The following CLU variants were observed in gnomAD, a reference collection of about 807,000 sequenced individuals.
CLU encodes aging-associated protein 4.
Under a neutral mutation model 46.4 loss-of-function variants are expected in CLU, and 25 were observed. The ratio of observed to expected loss-of-function variants is 0.54; its 90% CI spans 0.39 to 0.75. CLU has a LOEUF of 0.75. CLU is among the 30% of genes least tolerant of loss of function. The pLI, the probability that CLU is intolerant of heterozygous loss-of-function variation, is 0.00. For synonymous variants in CLU, 235 were observed against 235.1 expected (o/e 1.00, Z 0.00); for missense variants, 504 against 592.1 (o/e 0.85, Z 1.54).
At position 27,612,468 on chromosome 8, in the gene CLU, GTGT is replaced by G. The variant is rs1292898157; in HGVS notation, c.-29-1871_-29-1869del. The stretch of plus-strand genomic sequence containing the variant: ...TGAGGTCTGAGGCTGGGCATTGGCA[GTGT>G]CTAATCAACATGTCTGGAGAGGGGC... On this transcript the variant is annotated intron_variant, in intron 1 of 8. Transcript: ENST00000316403. Among the ~76,000 whole-genome samples, 113 of 152,320 alleles carry G rather than the reference GTGT, an allele frequency of 7.4e-4. 1 individual carries two copies. Among genetic ancestry groups the G allele is most frequent in the African/African-American group, 2.6e-3 (110 of 41,568 alleles).
intron 6 of CLU, 44 bp downstream of exon 6, chr8:27,604,247 C>T (rs905975676): frequency 6.7e-7 from 1 of 1,500,462 alleles, no homozygotes; most frequent in Non-Finnish European, 9.2e-7. Context: ...CCCCAGGACA[C>T]AAGGGATCAG....
intron 7 of CLU, 108 bp from the exon 8 acceptor site, chr8:27,598,743 G>T: frequency 9.4e-7 from 1 of 1,059,006 alleles, no homozygotes; most frequent in Non-Finnish European, 1.4e-6. Flanking sequence ...GCTTCTCCAA[G>T]GAAACCTAGA....
chr8:27,609,334 A>G, intron 2 of CLU, among the ~76,000 whole-genome samples: 1 of 152,022 alleles, frequency 6.6e-6, no homozygotes, highest in African/African-American at 2.4e-5. Flanking sequence ...ACCCAGAGTT[A>G]TGCCCAGCCA....
chr8:27,614,663 G>C lies in CLU; in HGVS notation c.-38C>G, dbSNP rs1055426723. On this transcript the variant is annotated 5_prime_UTR_variant, in exon 1 of 9. Transcript: ENST00000316403. ...AGACGGGGACATCTCACCGGTCAGC[G>C]GCACCCTGTGCCCGCGCGCTCCTCC... 1 of 530,522 alleles carries C rather than the reference G, an allele frequency of 1.9e-6. No individual in the cohort carries two copies. Among genetic ancestry groups the C allele is most frequent in the East Asian group, 5.5e-5 (1 of 18,154 alleles). The allele number at this position is 530,522 out of a possible 1,614,324, so 32.9% of individuals were successfully genotyped here. A position where few individuals can be genotyped will look rare whatever the true frequency, so the allele number is the denominator to read the frequency against.
chr8:27,611,336 AG>A, intron 1 of CLU: 1 of 456,076 alleles, frequency 2.2e-6, no homozygotes, highest in Non-Finnish European at 4.4e-6. Context: ...GGCTTCCCAG[AG>A]AAAGTCCCTT....
intron 6 of CLU, 52 bp downstream of exon 6, chr8:27,604,239 C>T: frequency 6.9e-7 from 1 of 1,445,358 alleles, no homozygotes; most frequent in Non-Finnish European, 9.7e-7. Context: ...CCCAGTGACC[C>T]CAGGACACAA....
Position 27,599,732 on chromosome 8 carries a change from C to T in CLU, c.1164+48G>A. On this transcript the variant is annotated intron_variant, in intron 7 of 8. Transcript: ENST00000316403. This position sits in a 1 kb window ranked among gnomAD's most constrained non-coding sequence, Gnocchi z 4.0. ...AAGCACACATGCCCCTGCTCCCGATCACAGCTCGGGCTCCCGAGCCACAGC... is the reference window on the plus strand; with the variant it reads ...AAGCACACATGCCCCTGCTCCCGATTACAGCTCGGGCTCCCGAGCCACAGC... The T allele has an allele frequency of 5.6e-6, 8 of 1,422,618 alleles. No individual in the cohort carries two copies. Among genetic ancestry groups the T allele is most frequent in the Non-Finnish European group, 7.8e-6 (8 of 1,022,916 alleles). The allele number at this position is 1,422,618 out of a possible 1,614,324, so 88.1% of individuals were successfully genotyped here.
intron 4 of CLU, 148 bp from the exon 5 acceptor site, chr8:27,605,483 C>G (rs925717661): frequency 1.8e-5 from 14 of 770,140 alleles, no homozygotes; most frequent in African/African-American, 3.4e-5. Flanking sequence ...GGGACCAGCC[C>G]CCAGCACCCC....
Position 27,599,763 on chromosome 8 carries a change from G to A in CLU, c.1164+17C>T, listed in dbSNP as rs375359665. On this transcript the variant is annotated intron_variant, in intron 7 of 8. Coordinates refer to ENST00000316403, the MANE Select transcript of CLU (RefSeq NM_001831.4). This position sits in a 1 kb window ranked among gnomAD's most constrained non-coding sequence, Gnocchi z 4.0. Reference sequence around the variant, plus strand: ...TCGGGCTCCCGAGCCACAGCATGTGGCCGGGACACAGCTCACCGTGGTGAC... The same window carrying A: ...TCGGGCTCCCGAGCCACAGCATGTGACCGGGACACAGCTCACCGTGGTGAC... 9 of 1,584,050 alleles carry A rather than the reference G, an allele frequency of 5.7e-6. No homozygotes were observed. The highest frequency in any genetic ancestry group is 5.2e-5 in the Admixed American group (3 of 57,216).
At position 27,598,546 on chromosome 8, in the gene CLU, C is replaced by T. The variant is rs962312477; in HGVS notation, c.1254G>A (p.Thr418=). Residue 418 remains threonine (T), a synonymous_variant, in exon 8 of 9, where the codon ACG becomes ACA. Coordinates refer to ENST00000316403, the MANE Select transcript of CLU (RefSeq NM_001831.4). ...TCTTCCTGGAGACTTCTACAGGGACCGTCACAGTGATGGGATCAGAGTCAA... is the reference window on the plus strand; with the variant it reads ...TCTTCCTGGAGACTTCTACAGGGACTGTCACAGTGATGGGATCAGAGTCAA... The part of the protein sequence containing the change: ...KLFDSDPITV[T]VPVEVSRKNP... The T allele has an allele frequency of 1.2e-5, 19 of 1,613,962 alleles. No individual in the cohort carries two copies. The East Asian group carries it at 1.8e-4, about 15-fold the overall frequency.
At chr8:27,611,063 T>G in intron 1 of CLU, 1 of 397,632 alleles carries the variant, frequency 2.5e-6, no homozygotes, top group Non-Finnish European at 5.1e-6. Context: ...CCACGTCCTC[T>G]GCAATGTGCA....
chr8:27,603,122 C>A (rs1031685002), intron 6 of CLU, among the ~76,000 whole-genome samples: 1 of 152,216 alleles, frequency 6.6e-6, no homozygotes, highest in African/African-American at 2.4e-5. Flanking sequence ...GACCTGAGCC[C>A]AGCCTGGGCA....
intron 3 of CLU, 164 bp downstream of exon 3, chr8:27,608,774 A>G (rs1475851043): frequency 2.6e-6 from 2 of 766,424 alleles, no homozygotes; most frequent in Non-Finnish European, 4.5e-6. Context: ...TTTCAGAAGC[A>G]AATGAACCTT....
At chr8:27,608,527 T>G (rs1240992111) in intron 3 of CLU, 2 of 333,016 alleles carry the variant, frequency 6.0e-6, no homozygotes, top group Admixed American at 9.0e-5. Context: ...TCCAGAACTC[T>G]AGCAAGACGT....
At position 27,601,057 on chromosome 8, in the gene CLU, C is replaced by CT. The variant is rs200637156; in HGVS notation, c.935-1049dup. Among the ~76,000 whole-genome samples, 90 of 151,992 alleles carry CT rather than the reference C, an allele frequency of 5.9e-4. No individual in the cohort carries two copies. In the East Asian group the frequency reaches 0.011, roughly 19 times the overall value. On this transcript the variant is annotated intron_variant, in intron 6 of 8. Transcript: ENST00000316403. ...GTTCTGGACAATCCTCCAAGCTTGT[C>CT]TTTTTTTTGAGACAGAATTTCGCTC...
Position 27,610,658 on chromosome 8 carries a change from C to G in CLU, c.-29-58G>C, listed in dbSNP as rs560119943. The G allele has an allele frequency of 9.2e-5, 125 of 1,363,954 alleles. 1 individual carries two copies. Among genetic ancestry groups the G allele is most frequent in the South Asian group, 8.2e-4 (71 of 86,076 alleles). 84.5% of individuals were successfully genotyped at this position (1,363,954 alleles called of 1,614,324 possible). ...CTAGACAGCCTGCTGGCGTCCCGCCCACCTGCTGCCTGCAGCAGCTCCCCA... is the reference window on the plus strand; with the variant it reads ...CTAGACAGCCTGCTGGCGTCCCGCCGACCTGCTGCCTGCAGCAGCTCCCCA... On this transcript the variant is annotated intron_variant, in intron 1 of 8. Transcript: ENST00000316403.
chr8:27,604,788 TC>T, intron 5 of CLU, 135 bp downstream of exon 5: 2 of 1,103,886 alleles, frequency 1.8e-6, no homozygotes, highest in Middle Eastern at 6.0e-4. Flanking sequence ...TCAGTTTTTT[TC>T]CTCTTTAAAT....
chr8:27,606,770 G>T (rs1800829924), intron 3 of CLU, among the ~76,000 whole-genome samples: 1 of 152,182 alleles, frequency 6.6e-6, no homozygotes, highest in South Asian at 2.1e-4. Context: ...ACTCCTAGAA[G>T]CTTCCCAACT....
rs1326671658 is a variant in CLU at position 27,599,263 on chromosome 8, G to T, written c.1164+517C>A. 6.0e-6 allele frequency: 1 copy of T among 168,024 alleles called. No individual in the cohort carries two copies. Among genetic ancestry groups the T allele is most frequent in the Non-Finnish European group, 1.3e-5 (1 of 77,714 alleles). 10.4% of individuals were successfully genotyped at this position (168,024 alleles called of 1,614,324 possible). A position where few individuals can be genotyped will look rare whatever the true frequency, so the allele number is the denominator to read the frequency against. On this transcript the variant is annotated intron_variant, in intron 7 of 8. Transcript: ENST00000316403. This position sits in a 1 kb window ranked among gnomAD's most constrained non-coding sequence, Gnocchi z 4.0. ...GAATCTTGCTGTGTTGCCCAGGCTG[G>T]TCTCAAATTCCTGGCCTCAAGCAAT...
Sources: allele counts gnomAD v4.1 joint callset (sites outside exome capture counted in the v4.1 genomes callset), GRCh38; gene constraint gnomAD v4.1.1; non-coding constraint Gnocchi (gnomAD v3.1); transcripts MANE v1.5; gene names NCBI Gene and HGNC (gene_info 2026-07-23, HGNC 2026-07-21).